Variants in BCAP29 observed in about 807,000 individuals in gnomAD.
BCAP29 encodes B-cell receptor-associated protein 29.
A neutral mutation model predicts 31.8 loss-of-function variants in BCAP29; 34 were observed. The observed-to-expected ratio is 1.07, with a 90% CI of 0.81 to 1.42. The LOEUF (loss-of-function observed/expected upper bound fraction) is 1.42. Ranked by LOEUF, BCAP29 falls within the 40% of genes most tolerant of loss-of-function variation. BCAP29 has a pLI of 0.00. For missense variants in BCAP29, 314 were observed against 269.2 expected, an observed-to-expected ratio of 1.17 and a Z score of -1.16; for synonymous variants, 104 against 91.3, an observed-to-expected ratio of 1.14 and a Z score of -0.79.
At chr7:107,602,562 A>AT (rs199500746) in intron 6 of BCAP29, among the ~76,000 whole-genome samples, 21 of 148,318 alleles carry the variant, frequency 1.4e-4, no homozygotes, top group African/African-American at 1.5e-4. Flanking sequence ...AAAAAAAGCA[A>AT]TTTTTTTTTT....
intron 6 of BCAP29, among the ~76,000 whole-genome samples, chr7:107,607,790 C>G (rs537790278): frequency 6.6e-6 from 1 of 152,114 alleles, no homozygotes; most frequent in East Asian, 1.9e-4. Flanking sequence ...CAGGCACACA[C>G]CACCATGCCC....
chr7:107,618,865 G>A lies in BCAP29; in HGVS notation c.*502G>A, dbSNP rs575338329. On this transcript the variant is annotated 3_prime_UTR_variant, in exon 8 of 8. Coordinates refer to ENST00000005259, the MANE Select transcript of BCAP29 (RefSeq NM_018844.4). ...TCCACTGTATTTATAAGGAAGAGTC[G>A]GAAAAAACAATGACCTTAGTTTTTT... 82 of 231,810 alleles carry A rather than the reference G, an allele frequency of 3.5e-4. No individual in the cohort carries two copies. The highest frequency in any genetic ancestry group is 4.3e-4 in the Non-Finnish European group (51 of 119,232). The allele number at this position is 231,810 out of a possible 1,614,324, so 14.4% of individuals were successfully genotyped here. A position where few individuals can be genotyped will look rare whatever the true frequency, so the allele number is the denominator to read the frequency against.
At chr7:107,606,387 A>G (rs190559994) in intron 6 of BCAP29, among the ~76,000 whole-genome samples, 173 of 152,314 alleles carry the variant, frequency 1.1e-3, no homozygotes, top group African/African-American at 3.6e-3. Context: ...GACCCTTCAA[A>G]TTATATTTAT....
intron 7 of BCAP29, among the ~76,000 whole-genome samples, chr7:107,614,868 G>A (rs1405826699): frequency 6.6e-6 from 1 of 152,210 alleles, no homozygotes; most frequent in East Asian, 1.9e-4. Flanking sequence ...TAAAATTGCT[G>A]ACCTCATTGG....
chr7:107,601,692 A>G (rs77343728), intron 6 of BCAP29, among the ~76,000 whole-genome samples: 1,582 of 152,346 alleles, frequency 0.01, 17 homozygotes, highest in African/African-American at 0.036. Context: ...TTTACAACAG[A>G]CATTTCAGAA....
At chr7:107,584,244 C>T (rs1314139851) in intron 3 of BCAP29, among the ~76,000 whole-genome samples, 1 of 152,148 alleles carries the variant, frequency 6.6e-6, no homozygotes. Context: ...TTAATGCATA[C>T]CTTGCTGTTC....
At chr7:107,588,118 T>C (rs930169171) in intron 3 of BCAP29, among the ~76,000 whole-genome samples, 2 of 152,214 alleles carry the variant, frequency 1.3e-5, no homozygotes, top group South Asian at 4.1e-4. Context: ...AATCTGAAAC[T>C]TTATAATAGT....
At chr7:107,590,820 G>GAAAAAAA (rs751097308) in intron 3 of BCAP29, among the ~76,000 whole-genome samples, 1 of 142,280 alleles carries the variant, frequency 7.0e-6, no homozygotes. Flanking sequence ...CCCTGTCTCA[G>GAAAAAAA]AAAAAAAAAA....
chr7:107,582,127 G>A (rs567242863), intron 2 of BCAP29, among the ~76,000 whole-genome samples: 132 of 152,250 alleles, frequency 8.7e-4, no homozygotes, highest in Non-Finnish European at 3.5e-4. Flanking sequence ...TCAAGAGAAA[G>A]AAAGATTTTG....
At chr7:107,586,675 T>C (rs1708016006) in intron 3 of BCAP29, among the ~76,000 whole-genome samples, 1 of 152,050 alleles carries the variant, frequency 6.6e-6, no homozygotes, top group South Asian at 2.1e-4. Context: ...TTCTTGGTTA[T>C]CTCTCTAAAT....
downstream of BCAP29, chr7:107,622,027 A>G (rs1410974982): frequency 2.2e-6 from 1 of 449,160 alleles, no homozygotes; most frequent in Non-Finnish European, 4.6e-6. Flanking sequence ...GGATAAGTCA[A>G]AGATAGCCTT....
intron 3 of BCAP29, among the ~76,000 whole-genome samples, chr7:107,586,547 C>T (rs549411181): frequency 1.2e-4 from 19 of 152,072 alleles, no homozygotes; most frequent in Non-Finnish European, 2.2e-4. Context: ...AAGATTTAAA[C>T]GCAGTAACAT....
rs944514364 is a variant in BCAP29, at chr7:107,618,904, T to G, written c.*541T>G. 13 of 189,698 alleles carry G rather than the reference T, an allele frequency of 6.9e-5. No homozygotes were observed. The highest frequency in any genetic ancestry group is 1.3e-4 in the Non-Finnish European group (12 of 91,450). 11.8% of individuals were successfully genotyped at this position (189,698 alleles called of 1,614,324 possible). A position where few individuals can be genotyped will look rare whatever the true frequency, so the allele number is the denominator to read the frequency against. On this transcript the variant is annotated 3_prime_UTR_variant, in exon 8 of 8. Transcript: ENST00000005259. Reference sequence around the variant, plus strand: ...CCTTAGTTTTTTTTAAGCCTGATGATACTATGGTTTACTCTAATAAGATAG... The same window carrying G: ...CCTTAGTTTTTTTTAAGCCTGATGAGACTATGGTTTACTCTAATAAGATAG...
intron 3 of BCAP29, among the ~76,000 whole-genome samples, chr7:107,585,771 A>G (rs1447895733): frequency 2.0e-5 from 3 of 152,148 alleles, no homozygotes; most frequent in African/African-American, 4.8e-5. Flanking sequence ...AGGTGGATCA[A>G]CCTAAGGTCA....
chr7:107,618,381 T>TG lies in BCAP29; in HGVS notation c.*19dup. 1 of 1,609,636 alleles carries TG rather than the reference T, an allele frequency of 6.2e-7. No individual in the cohort carries two copies. The highest frequency in any genetic ancestry group is 8.5e-7 in the Non-Finnish European group (1 of 1,177,322). ...GACTGTGAACTTTATAAAAGACACT[T>TG]GCAATATACTGTGTCAAAATGATAA... On this transcript the variant is annotated 3_prime_UTR_variant, in exon 8 of 8. Transcript: ENST00000005259.
At chr7:107,602,964 C>CTTTTTTTT (rs34887499) in intron 6 of BCAP29, among the ~76,000 whole-genome samples, 283 of 68,270 alleles carry the variant, frequency 4.1e-3, no homozygotes, top group East Asian at 5.7e-3. Context: ...TTCTTTTATT[C>CTTTTTTTT]TTTTTTTTTT....
At chr7:107,584,371 T>C (rs1807244025) in intron 3 of BCAP29, among the ~76,000 whole-genome samples, 2 of 152,160 alleles carry the variant, frequency 1.3e-5, no homozygotes, top group Non-Finnish European at 2.9e-5. Context: ...CATTAGGCTC[T>C]CCAAAGGAGT....
chr7:107,593,568 G>C (rs1214524127), intron 3 of BCAP29, among the ~76,000 whole-genome samples: 2 of 152,176 alleles, frequency 1.3e-5, no homozygotes, highest in Non-Finnish European at 2.9e-5. Flanking sequence ...AGAGAAATGG[G>C]ATAGTCTCTT....
intron 7 of BCAP29, among the ~76,000 whole-genome samples, chr7:107,616,832 C>T (rs986593585): frequency 6.6e-6 from 1 of 152,050 alleles, no homozygotes; most frequent in Non-Finnish European, 1.5e-5. Context: ...TCCACCTCCC[C>T]AATTTAATCG....
Sources: gnomAD v4.1 joint callset for allele counts (sites outside exome capture counted in the v4.1 genomes callset) on GRCh38, gnomAD v4.1.1 for gene constraint, MANE v1.5 for transcripts, NCBI Gene and HGNC (gene_info 2026-07-23, HGNC 2026-07-21) for gene names.